The following TTC27 variants were observed in gnomAD, a reference collection of about 807,000 sequenced individuals.
TTC27 encodes tetratricopeptide repeat domain 27.
In TTC27, 79 loss-of-function variants were observed where a neutral mutation model predicts 115.9. That is an observed-to-expected ratio of 0.68 (90% CI 0.57 to 0.82). The LOEUF (loss-of-function observed/expected upper bound fraction) is 0.82. Among genes scored for constraint, TTC27 ranks in the 40% least tolerant of loss-of-function variants. TTC27 has a pLI of 0.00. For missense variants in TTC27, 1,054 were observed against 993.1 expected (o/e 1.06, Z -0.82); for synonymous variants, 401 against 356.0 (o/e 1.13, Z -1.42).
chr2:32,654,675 C>A (rs936713798), intron 5 of TTC27, among the ~76,000 whole-genome samples: 1 of 151,408 alleles, frequency 6.6e-6, no homozygotes, highest in African/African-American at 2.4e-5. Context: ...GGAGTATAGG[C>A]GCTTGCCACC....
intron 3 of TTC27, among the ~76,000 whole-genome samples, chr2:32,637,944 C>A (rs1392116702): frequency 6.6e-6 from 1 of 152,188 alleles, no homozygotes; most frequent in Non-Finnish European, 1.5e-5. Flanking sequence ...TGGTGTAGTG[C>A]CAGTCAGAAG....
At chr2:32,777,766 T>G in intron 13 of TTC27, 116 bp from the exon 14 acceptor site, 2 of 900,968 alleles carry the variant, frequency 2.2e-6, no homozygotes. Flanking sequence ...ATATTTATTA[T>G]ATAGCTCTGC....
intron 9 of TTC27, among the ~76,000 whole-genome samples, chr2:32,681,081 A>G (rs1439461166): frequency 6.6e-6 from 1 of 151,564 alleles, no homozygotes; most frequent in Non-Finnish European, 1.5e-5. Flanking sequence ...CTTTCCTCCC[A>G]CCCTCTTACA....
chr2:32,698,629 C>A (rs558872893), intron 9 of TTC27, among the ~76,000 whole-genome samples: 1 of 151,406 alleles, frequency 6.6e-6, no homozygotes, highest in Non-Finnish European at 1.5e-5. Context: ...ACAGGCGCCC[C>A]CCACCACGCC....
chr2:32,798,713 A>AAAAAAAT (rs1368512271), intron 16 of TTC27, among the ~76,000 whole-genome samples: 7,151 of 141,834 alleles, frequency 0.05, 342 homozygotes, highest in African/African-American at 0.11. Flanking sequence ...TCAAAAAAAA[A>AAAAAAAT]AATAATAATA....
chr2:32,694,674 C>CT (rs200028307), intron 9 of TTC27, among the ~76,000 whole-genome samples: 38,992 of 135,510 alleles, frequency 0.29, 5,732 homozygotes, highest in South Asian at 0.43. Flanking sequence ...ATTCCTATTT[C>CT]TTTTTTTTTT....
At chr2:32,790,989 A>T (rs1003289942) in intron 16 of TTC27, among the ~76,000 whole-genome samples, 1 of 152,174 alleles carries the variant, frequency 6.6e-6, no homozygotes, top group African/African-American at 2.4e-5. Flanking sequence ...TTCCAGTACT[A>T]TGTTGAAAAA....
chr2:32,740,579 T>G (rs1365279010), intron 12 of TTC27, among the ~76,000 whole-genome samples: 7 of 152,150 alleles, frequency 4.6e-5, no homozygotes, highest in Non-Finnish European at 1.5e-5. Flanking sequence ...CCAAGTAACT[T>G]CTCTCTGTTT....
At chr2:32,797,703 AATG>A (rs1414250796) in intron 16 of TTC27, among the ~76,000 whole-genome samples, 1 of 152,238 alleles carries the variant, frequency 6.6e-6, no homozygotes, top group Non-Finnish European at 1.5e-5. Flanking sequence ...TAGATTTGGC[AATG>A]ATTTCTTGGA....
At chr2:32,727,376 G>T (rs1373264673) in intron 10 of TTC27, among the ~76,000 whole-genome samples, 1 of 152,122 alleles carries the variant, frequency 6.6e-6, no homozygotes, top group East Asian at 1.9e-4. Flanking sequence ...GTACTTTCTT[G>T]TTTGTTTTTA....
At chr2:32,639,377 A>C (rs1477321654) in intron 3 of TTC27, among the ~76,000 whole-genome samples, 2 of 152,054 alleles carry the variant, frequency 1.3e-5, no homozygotes, top group Non-Finnish European at 2.9e-5. Context: ...ACAACAGGAG[A>C]GTGCATTTTT....
rs1336201356 is a variant in TTC27 at position 32,723,701 on chromosome 2, TC to T, written c.1234-10124del. ...TTGTTAGACTCAGCTCCTTCCTCCC[TC>T]CCTCCCTCCCTCCCTCCCTCCCTCC... On this transcript the variant is annotated intron_variant, in intron 10 of 19. Transcript: ENST00000317907. 2.2e-3 allele frequency among the ~76,000 whole-genome samples: 128 copies of T among 57,376 alleles called. 15 individuals are homozygous for T. The highest frequency in any genetic ancestry group is 5.1e-3 in the African/African-American group (60 of 11,724). The allele number at this position is 57,376 out of a possible 152,430, so 37.6% of individuals were successfully genotyped here. A position where few individuals can be genotyped will look rare whatever the true frequency, so the allele number is the denominator to read the frequency against.
At chr2:32,710,973 T>C (rs1399686316) in intron 10 of TTC27, among the ~76,000 whole-genome samples, 2 of 151,244 alleles carry the variant, frequency 1.3e-5, no homozygotes, top group Non-Finnish European at 2.9e-5. Context: ...AACAATTAGC[T>C]AGGCATGGTG....
chr2:32,729,614 T>C (rs567424758), intron 10 of TTC27, among the ~76,000 whole-genome samples: 50 of 152,206 alleles, frequency 3.3e-4, no homozygotes, highest in South Asian at 6.2e-4. Context: ...TTGAAAACAG[T>C]CTCATATCAC....
At chr2:32,644,953 C>G (rs1664798568) in intron 4 of TTC27, among the ~76,000 whole-genome samples, 1 of 149,514 alleles carries the variant, frequency 6.7e-6, no homozygotes, top group African/African-American at 2.5e-5. Context: ...AGTGATCCTC[C>G]TGCTCCAGCC....
intron 16 of TTC27, among the ~76,000 whole-genome samples, chr2:32,805,448 G>T (rs890959936): frequency 2.0e-5 from 3 of 152,140 alleles, no homozygotes; most frequent in Non-Finnish European, 2.9e-5. Flanking sequence ...TAAGCCTCAG[G>T]TTTTTTATTT....
At chr2:32,747,393 C>T (rs1668867212) in intron 12 of TTC27, among the ~76,000 whole-genome samples, 1 of 152,180 alleles carries the variant, frequency 6.6e-6, no homozygotes, top group African/African-American at 2.4e-5. Context: ...TTAGCCTATT[C>T]TACCTTAAAT....
intron 5 of TTC27, 56 bp downstream of exon 5, chr2:32,650,289 C>T (rs1343096917): frequency 1.6e-6 from 2 of 1,277,714 alleles, no homozygotes; most frequent in African/African-American, 1.5e-5. Context: ...AATTACTTGG[C>T]TGAGATACTC....
At chr2:32,667,132 T>G (rs1665810562) in intron 7 of TTC27, among the ~76,000 whole-genome samples, 1 of 152,198 alleles carries the variant, frequency 6.6e-6, no homozygotes, top group African/African-American at 2.4e-5. Flanking sequence ...CATATTTGTT[T>G]CCTTATGTTT....
Sources: gnomAD v4.1 joint callset for allele counts (sites outside exome capture counted in the v4.1 genomes callset) on GRCh38, gnomAD v4.1.1 for gene constraint, MANE v1.5 for transcripts, NCBI Gene and HGNC (gene_info 2026-07-23, HGNC 2026-07-21) for gene names.